The following DST variants were observed in gnomAD, a reference collection of about 807,000 sequenced individuals.
DST encodes dystonin, also known as bullous pemphigoid antigen.
A neutral mutation model predicts 875.2 loss-of-function variants in DST; 253 were observed. The observed-to-expected ratio is 0.29, with a 90% CI of 0.26 to 0.32. The LOEUF is 0.32. Ranked by LOEUF, DST falls within the 10% of genes least tolerant of loss-of-function variation. The pLI is 1.00. For synonymous variants in DST, 3,124 were observed against 3,197.1 expected (o/e 0.98, Z 0.77); for missense variants, 8,287 against 9,111.6 (o/e 0.91, Z 3.68).
chr6:56,829,852 TG>T (rs1472944854), intron 4 of DST, among the ~76,000 whole-genome samples: 2 of 152,118 alleles, frequency 1.3e-5, no homozygotes, highest in Non-Finnish European at 2.9e-5. Context: ...TAAAGAACCT[TG>T]GCAATCATTC....
chr6:56,803,860 C>G (rs916783007), intron 4 of DST, among the ~76,000 whole-genome samples: 1 of 152,172 alleles, frequency 6.6e-6, no homozygotes, highest in African/African-American at 2.4e-5. Context: ...GTAACCCAAT[C>G]TCCAAAAATG....
chr6:56,548,899 T>C (rs1270265097), intron 61 of DST, among the ~76,000 whole-genome samples: 1 of 152,186 alleles, frequency 6.6e-6, no homozygotes, highest in Non-Finnish European at 1.5e-5. Flanking sequence ...ATAACACCAA[T>C]CTACTTTCAA....
At chr6:56,555,313 C>T in intron 60 of DST, 32 bp downstream of exon 60, 1 of 1,529,754 alleles carries the variant, frequency 6.5e-7, no homozygotes, top group South Asian at 1.3e-5. Context: ...TTATTTCTGA[C>T]CAGGAAATAT....
At chr6:56,938,409 C>T (rs966040827) in intron 2 of DST, among the ~76,000 whole-genome samples, 7 of 152,056 alleles carry the variant, frequency 4.6e-5, no homozygotes, top group African/African-American at 2.4e-5. Context: ...CAAGTATGAG[C>T]CACAGCACCC....
chr6:56,573,672 C>T lies in DST; in HGVS notation c.13236+7G>A. ...TGAAAATGGGACTTTTTTTTAAAGT[C>T]ACTTACAATGTTTTTACTGATAATA... is the stretch of plus-strand genomic sequence containing the variant. On this transcript the variant is annotated splice_region_variant and intron_variant, in intron 51 of 103. Transcript: ENST00000680361. 2 of 1,597,310 alleles carry T rather than the reference C, an allele frequency of 1.3e-6. No homozygotes were observed. The highest frequency in any genetic ancestry group is 2.2e-5 in the East Asian group (1 of 44,758).
chr6:56,836,482 A>G (rs1359997598), intron 4 of DST, among the ~76,000 whole-genome samples: 1 of 152,220 alleles, frequency 6.6e-6, no homozygotes, highest in African/African-American at 2.4e-5. Flanking sequence ...GAGAACTTAA[A>G]TGAACATAAA....
chr6:56,921,713 A>G (rs928757462), intron 2 of DST, among the ~76,000 whole-genome samples: 1 of 152,224 alleles, frequency 6.6e-6, no homozygotes, highest in African/African-American at 2.4e-5. Context: ...ACGTAAATAC[A>G]TATACATATT....
intron 2 of DST, among the ~76,000 whole-genome samples, chr6:56,910,739 C>A (rs1204766905): frequency 6.6e-6 from 1 of 152,190 alleles, no homozygotes; most frequent in Non-Finnish European, 1.5e-5. Flanking sequence ...CCCACCTCGG[C>A]CTCCCAAAGT....
chr6:56,704,844 T>C (rs932969853), intron 5 of DST, among the ~76,000 whole-genome samples: 1 of 152,206 alleles, frequency 6.6e-6, no homozygotes, highest in Non-Finnish European at 1.5e-5. Flanking sequence ...ACTCTACATA[T>C]TATTTTATCA....
At chr6:56,746,313 T>C (rs946163623) in intron 4 of DST, among the ~76,000 whole-genome samples, 1 of 152,206 alleles carries the variant, frequency 6.6e-6, no homozygotes, top group African/African-American at 2.4e-5. Context: ...AGCAATTTAG[T>C]AGTGTCCACT....
At chr6:56,464,557 G>A in intron 100 of DST, 128 bp downstream of exon 100, 2 of 689,874 alleles carry the variant, frequency 2.9e-6, no homozygotes, top group Non-Finnish European at 4.9e-6. Flanking sequence ...CACCAGCTCA[G>A]CTGGATATGA....
At chr6:56,637,284 G>A (rs535800626) in intron 22 of DST, among the ~76,000 whole-genome samples, 2 of 151,998 alleles carry the variant, frequency 1.3e-5, no homozygotes, top group East Asian at 3.9e-4. Context: ...AATTATCTCT[G>A]GCTACGGGAA....
chr6:56,574,568 C>T (rs1442325038), intron 50 of DST, among the ~76,000 whole-genome samples: 1 of 151,208 alleles, frequency 6.6e-6, no homozygotes, highest in African/African-American at 2.4e-5. Context: ...TAACAGCAGA[C>T]AAAAGAGAAA....
rs1371865535 is a variant in DST at position 56,631,957 on chromosome 6, G to A, written c.3889C>T (p.Leu1297=). The A allele has an allele frequency of 1.2e-6, 2 of 1,613,644 alleles. No homozygotes were observed. The highest frequency in any genetic ancestry group is 2.2e-5 in the South Asian group (2 of 91,058). ...RLRLENCEDR[L]IRQIRTPLER... is the part of the protein sequence containing the mutation. ...AGGGGAGTTCGAATCTGTCTAATCAGCCGATCTTCACAGTTCTCTAACCGA... is the reference window on the plus strand; with the variant it reads ...AGGGGAGTTCGAATCTGTCTAATCAACCGATCTTCACAGTTCTCTAACCGA... The change falls in exon 29 of 104, where the codon CTG becomes TTG. Residue 1297 remains leucine (L), a synonymous_variant. Transcript: ENST00000680361.
intron 38 of DST, 91 bp downstream of exon 38, chr6:56,611,417 T>C (rs1164222828): frequency 6.2e-6 from 5 of 801,898 alleles, no homozygotes; most frequent in Middle Eastern, 2.3e-4. Context: ...ATATTTAACA[T>C]TGCAATTAAA....
At position 56,619,024 on chromosome 6, in the gene DST, CT is replaced by C. The variant is rs1160025379; in HGVS notation, c.4930-4541del. 3 of 1,614,080 alleles carry C rather than the reference CT, an allele frequency of 1.9e-6. No individual in the cohort carries two copies. The African/African-American group carries it at 4.0e-5, about 22-fold the overall frequency. On this transcript the variant is annotated intron_variant, in intron 36 of 103. Transcript: ENST00000680361. The stretch of plus-strand genomic sequence containing the variant: ...TCTTGGTATTCTGGATGATAATGTT[CT>C]GTTGGTCACACTTTTGCTTAAATTC...
In DST at chr6:56,611,585, C is replaced by T. The variant is rs761380909; in HGVS notation, c.5070G>A (p.Glu1690=). Residue 1690 remains glutamate, a synonymous_variant, in exon 38 of 104, where the codon GAG becomes GAA. Coordinates refer to ENST00000680361, the MANE Select transcript of DST (RefSeq NM_001374736.1). The stretch of plus-strand genomic sequence containing the variant: ...ATTGTTCCTTCTTGGTTGATATTTC[C>T]TCACTGGAAATCTGTAAGGTAAAGA... ...PPFSKQKISS[E]EISTKKEQLS... 2 of 1,611,424 alleles carry T rather than the reference C, an allele frequency of 1.2e-6. No homozygotes were observed. Among genetic ancestry groups the T allele is most frequent in the East Asian group, 4.5e-5 (2 of 44,740 alleles).
At chr6:56,538,551 G>C (rs955782181) in intron 61 of DST, among the ~76,000 whole-genome samples, 1 of 152,136 alleles carries the variant, frequency 6.6e-6, no homozygotes, top group Admixed American at 6.5e-5. Flanking sequence ...GAAAGATGTA[G>C]AGGCTGCAGG....
At chr6:56,937,182 T>G (rs945146105) in intron 2 of DST, among the ~76,000 whole-genome samples, 2 of 152,064 alleles carry the variant, frequency 1.3e-5, no homozygotes, top group Non-Finnish European at 2.9e-5. Flanking sequence ...TAAATTGGAC[T>G]TATTAAAATT....
Sources: allele counts gnomAD v4.1 joint callset (sites outside exome capture counted in the v4.1 genomes callset), GRCh38; gene constraint gnomAD v4.1.1; transcripts MANE v1.5; gene names NCBI Gene and HGNC (gene_info 2026-07-23, HGNC 2026-07-21).